TTLL5: variants seen among roughly 807,000 people sequenced by gnomAD.
TTLL5 encodes tubulin polyglutamylase TTLL5.
In TTLL5, 132 loss-of-function variants were observed where a neutral mutation model predicts 168.4. The observed-to-expected ratio is 0.78, with a 90% confidence interval of 0.68 to 0.91. TTLL5 has a LOEUF of 0.91. Among genes scored for constraint, TTLL5 ranks in the 40% least tolerant of loss-of-function variants. TTLL5 has a pLI of 0.00. For synonymous variants in TTLL5, 546 were observed against 558.6 expected, an observed-to-expected ratio of 0.98 and a Z score of 0.32; for missense variants, 1,545 against 1,581.5, an observed-to-expected ratio of 0.98 and a Z score of 0.39.
rs1595276205 is a variant in TTLL5, at chr14:75,924,157, G to A, written c.3823+21933G>A. 4.0e-5 allele frequency among the ~76,000 whole-genome samples: 6 copies of A among 151,378 alleles called. No individual in the cohort carries two copies. The South Asian group carries it at 1.3e-3, about 32-fold the overall frequency. The stretch of plus-strand genomic sequence containing the variant: ...GTCTCCTTAATACAGCACACTGATG[G>A]GTCTTGACTCTTTATCCAATTTGCC... On this transcript the variant is annotated intron_variant, in intron 31 of 31. Transcript: ENST00000298832.
intron 12 of TTLL5, among the ~76,000 whole-genome samples, chr14:75,725,226 A>G (rs1888119553): frequency 6.6e-6 from 1 of 152,240 alleles, no homozygotes. Flanking sequence ...ATGTCCATAA[A>G]TAATTGTTGG....
chr14:75,897,244 GA>G lies in TTLL5; in HGVS notation c.3741-4896del, dbSNP rs1280492523. On this transcript the variant is annotated intron_variant, in intron 30 of 31. Coordinates refer to ENST00000298832, the MANE Select transcript of TTLL5 (RefSeq NM_015072.5). ...GCAAGTGAGTCAAATTCAGGGTTAG[GA>G]AGTGTACATGTAATATTTAGGTAAA... 2.0e-5 allele frequency among the ~76,000 whole-genome samples: 3 copies of G among 152,264 alleles called. No homozygotes were observed. In the East Asian group the frequency reaches 5.8e-4, roughly 29 times the overall value.
intron 12 of TTLL5, among the ~76,000 whole-genome samples, chr14:75,727,205 C>T (rs555512968): frequency 3.7e-4 from 56 of 152,186 alleles, no homozygotes; most frequent in African/African-American, 1.1e-3. Context: ...CCAGAAGAAC[C>T]GAAACCATAT....
At chr14:75,884,614 C>A (rs1000545944) in intron 30 of TTLL5, among the ~76,000 whole-genome samples, 4 of 152,120 alleles carry the variant, frequency 2.6e-5, no homozygotes, top group Non-Finnish European at 4.4e-5. Context: ...TAATATAATC[C>A]AGGTATCAAA....
chr14:75,777,984 AAAAC>A (rs1322319643), intron 23 of TTLL5, among the ~76,000 whole-genome samples: 1 of 151,964 alleles, frequency 6.6e-6, no homozygotes, highest in Non-Finnish European at 1.5e-5. Context: ...TTAAAAAAAA[AAAAC>A]AAAAAACAGA....
intron 21 of TTLL5, among the ~76,000 whole-genome samples, chr14:75,774,230 CTT>C (rs1334197048): frequency 2.6e-5 from 4 of 152,216 alleles, no homozygotes; most frequent in Admixed American, 2.6e-4. Flanking sequence ...TAAAATCTCT[CTT>C]TGAAGCATTT....
At chr14:75,730,838 G>T (rs1888485347) in intron 12 of TTLL5, among the ~76,000 whole-genome samples, 1 of 151,908 alleles carries the variant, frequency 6.6e-6, no homozygotes. Flanking sequence ...TCCTGCCTCA[G>T]CCTCCTGAGT....
intron 30 of TTLL5, among the ~76,000 whole-genome samples, chr14:75,899,037 G>T (rs1373804822): frequency 1.3e-5 from 2 of 152,166 alleles, no homozygotes; most frequent in Admixed American, 6.5e-5. Context: ...GACTTATAGT[G>T]AATGCAGAGA....
chr14:75,735,422 G>A (rs951454015), intron 15 of TTLL5, 133 bp downstream of exon 15: 4 of 782,890 alleles, frequency 5.1e-6, no homozygotes, highest in East Asian at 2.5e-5. Context: ...CTCTAGACAG[G>A]AGGCAGTTAT....
At chr14:75,929,852 G>A (rs1352063821) in intron 31 of TTLL5, among the ~76,000 whole-genome samples, 6 of 152,136 alleles carry the variant, frequency 3.9e-5, no homozygotes, top group African/African-American at 1.2e-4. Context: ...GAGAAAGGAG[G>A]TTCAAGTCCA....
chr14:75,849,165 C>T (rs1896712278), intron 28 of TTLL5, among the ~76,000 whole-genome samples: 1 of 152,206 alleles, frequency 6.6e-6, no homozygotes, highest in East Asian at 1.9e-4. Context: ...TTAGCCAAAA[C>T]ATCTCCCTCC....
chr14:75,667,749 A>G (rs141029903), intron 2 of TTLL5, among the ~76,000 whole-genome samples: 2 of 67,894 alleles, frequency 2.9e-5, no homozygotes, highest in Non-Finnish European at 3.3e-5. Flanking sequence ...GGATCTTTTT[A>G]TGTTTTTTTT....
intron 17 of TTLL5, among the ~76,000 whole-genome samples, chr14:75,748,387 T>A (rs1796323099): frequency 6.6e-6 from 1 of 152,362 alleles, no homozygotes; most frequent in African/African-American, 2.4e-5. Flanking sequence ...GTTTTTTCAA[T>A]GCTTTTGTAT....
intron 12 of TTLL5, among the ~76,000 whole-genome samples, chr14:75,723,979 T>G (rs886258898): frequency 3.9e-5 from 6 of 152,110 alleles, no homozygotes; most frequent in African/African-American, 1.4e-4. Flanking sequence ...GACTCCTAAC[T>G]TCCCCTGGGG....
chr14:75,916,903 C>T (rs554288387), intron 31 of TTLL5, among the ~76,000 whole-genome samples: 11 of 152,260 alleles, frequency 7.2e-5, no homozygotes, highest in African/African-American at 2.4e-4. Flanking sequence ...ACTTTCAGGA[C>T]GTTATGCTAA....
intron 24 of TTLL5, 119 bp downstream of exon 24, chr14:75,779,821 T>G (rs1216336874): frequency 1.4e-5 from 15 of 1,048,996 alleles, no homozygotes; most frequent in Non-Finnish European, 2.0e-5. Flanking sequence ...GTAATGAGAC[T>G]TTGCAGCTTG....
At chr14:75,828,134 T>C (rs1447108839) in intron 28 of TTLL5, among the ~76,000 whole-genome samples, 3 of 152,204 alleles carry the variant, frequency 2.0e-5, no homozygotes, top group Non-Finnish European at 4.4e-5. Flanking sequence ...AAGCAGGCTT[T>C]CTGGCATAGT....
intron 22 of TTLL5, among the ~76,000 whole-genome samples, chr14:75,776,463 T>TA (rs1166439541): frequency 6.6e-6 from 1 of 152,224 alleles, no homozygotes; most frequent in Non-Finnish European, 1.5e-5. Context: ...TAAGCTACTA[T>TA]AAAAACCTCT....
chr14:75,785,436 C>A (rs893828695), intron 26 of TTLL5, among the ~76,000 whole-genome samples: 4 of 152,066 alleles, frequency 2.6e-5, no homozygotes, highest in Non-Finnish European at 4.4e-5. Context: ...CCTTGGCCTC[C>A]CCAAAGTGCT....
Sources: allele counts gnomAD v4.1 joint callset (sites outside exome capture counted in the v4.1 genomes callset), GRCh38; gene constraint gnomAD v4.1.1; transcripts MANE v1.5; gene names NCBI Gene and HGNC (gene_info 2026-07-23, HGNC 2026-07-21).